Variants in RIN2 observed in about 807,000 individuals in gnomAD.
RIN2 encodes RAB5 interacting protein 2.
Under a neutral mutation model 78.0 loss-of-function variants are expected in RIN2, and 36 were observed. The observed-to-expected ratio is 0.46, with a 90% CI of 0.35 to 0.61. The LOEUF (loss-of-function observed/expected upper bound fraction) is 0.61. Ranked by LOEUF, RIN2 falls within the 20% of genes least tolerant of loss-of-function variation. The pLI is 0.00. For synonymous variants in RIN2, 466 were observed against 466.8 expected, an observed-to-expected ratio of 1.00 and a Z score of 0.02; for missense variants, 1,087 against 1,159.7, an observed-to-expected ratio of 0.94 and a Z score of 0.91.
chr20:19,875,543 G>C (rs2025046), intron 2 of RIN2, among the ~76,000 whole-genome samples: 5,546 of 152,228 alleles, frequency 0.036, 129 homozygotes, highest in East Asian at 0.076. Context: ...TCTGAGGCGG[G>C]AGGATGGCTT....
intron 2 of RIN2, among the ~76,000 whole-genome samples, chr20:19,847,863 C>A (rs2036836630): frequency 6.6e-6 from 1 of 152,126 alleles, no homozygotes; most frequent in Non-Finnish European, 1.5e-5. Flanking sequence ...CAGGGAGGGG[C>A]CCATAAACTT....
At chr20:19,763,785 T>C (rs1023921379) in intron 1 of RIN2, among the ~76,000 whole-genome samples, 3 of 152,170 alleles carry the variant, frequency 2.0e-5, no homozygotes, top group African/African-American at 7.2e-5. Flanking sequence ...CTGATTCAGT[T>C]TGATGTAGGA....
intron 9 of RIN2, among the ~76,000 whole-genome samples, chr20:19,986,855 C>T (rs1034753106): frequency 8.5e-5 from 13 of 152,194 alleles, no homozygotes; most frequent in African/African-American, 2.2e-4. Context: ...CTTAAGTACT[C>T]GGCTCAACAG....
chr20:19,910,125 T>C (rs983731485), intron 3 of RIN2, among the ~76,000 whole-genome samples: 1 of 152,216 alleles, frequency 6.6e-6, no homozygotes, highest in Non-Finnish European at 1.5e-5. Context: ...CCTTGCAACC[T>C]GGTTTTTAAT....
At chr20:19,900,945 C>CA (rs869239642) in intron 3 of RIN2, among the ~76,000 whole-genome samples, 2,148 of 29,472 alleles carry the variant, frequency 0.073, 373 homozygotes, top group Non-Finnish European at 0.14. Flanking sequence ...AGCTCTGTCT[C>CA]AAAAAAAAAA....
chr20:19,875,181 C>T (rs980772577), intron 2 of RIN2, among the ~76,000 whole-genome samples: 3 of 149,658 alleles, frequency 2.0e-5, no homozygotes, highest in East Asian at 2.0e-4. Flanking sequence ...TTTTTTTAAA[C>T]GGAGGCTTAC....
rs112898455 is a variant in RIN2 at position 19,760,447 on chromosome 20, G to A, written c.-163+2120G>A. ...AGGTGGGAGGGAGCTTGACTCCCAG[G>A]ATGGCTATGGCGTGTGCTTATTTAA... On this transcript the variant is annotated intron_variant, in intron 1 of 12. Coordinates refer to ENST00000255006, the MANE Select transcript of RIN2 (RefSeq NM_018993.4). 3.0e-3 allele frequency among the ~76,000 whole-genome samples: 454 copies of A among 151,956 alleles called. 6 individuals are homozygous for A. Among genetic ancestry groups the A allele is most frequent in the African/African-American group, 0.01 (429 of 41,412 alleles).
At chr20:19,871,449 C>G (rs2037685752) in intron 2 of RIN2, among the ~76,000 whole-genome samples, 1 of 152,118 alleles carries the variant, frequency 6.6e-6, no homozygotes, top group South Asian at 2.1e-4. Flanking sequence ...TATCGTGCAC[C>G]TCAGAGATGT....
chr20:19,823,767 T>A, intron 2 of RIN2: 1 of 1,596,742 alleles, frequency 6.3e-7, no homozygotes, highest in South Asian at 1.1e-5. Flanking sequence ...TTAGTTTCAC[T>A]GTAATCCTCA....
intron 2 of RIN2, among the ~76,000 whole-genome samples, chr20:19,820,373 G>C (rs1028043065): frequency 4.6e-5 from 7 of 152,150 alleles, no homozygotes; most frequent in African/African-American, 1.7e-4. Context: ...ACATTGTAAC[G>C]TATCACCAAA....
chr20:19,880,454 G>GT (rs1423794043), intron 2 of RIN2, among the ~76,000 whole-genome samples: 1 of 127,978 alleles, frequency 7.8e-6, no homozygotes, highest in East Asian at 2.6e-4. Flanking sequence ...CCAAGCAGGA[G>GT]TGCAGTTGCA....
intron 2 of RIN2, among the ~76,000 whole-genome samples, chr20:19,881,583 T>C (rs1283953577): frequency 6.6e-6 from 1 of 152,182 alleles, no homozygotes; most frequent in East Asian, 1.9e-4. Context: ...TATTTATTTA[T>C]TTTTTAAAAG....
intron 1 of RIN2, among the ~76,000 whole-genome samples, chr20:19,792,449 G>A (rs1349941919): frequency 6.6e-6 from 1 of 152,172 alleles, no homozygotes; most frequent in African/African-American, 2.4e-5. Context: ...GAAACAAAAT[G>A]TCAAAGCAGT....
rs182428842 is a variant in RIN2, at chr20:19,981,385, G to A, written c.1762+5598G>A. ...GCCATGTATGCCAGGTTTCTGCCCTGTAAAATTAAAGATTCCCTTCTTTCC... is the reference window on the plus strand; with the variant it reads ...GCCATGTATGCCAGGTTTCTGCCCTATAAAATTAAAGATTCCCTTCTTTCC... On this transcript the variant is annotated intron_variant, in intron 9 of 12. Transcript: ENST00000255006. Among the ~76,000 whole-genome samples, 24 of 152,280 alleles carry A rather than the reference G, an allele frequency of 1.6e-4. No homozygotes were observed. The East Asian group carries it at 3.9e-3, about 24-fold the overall frequency.
chr20:19,886,790 T>C lies in RIN2; in HGVS notation c.-36-2776T>C, dbSNP rs755994724. 55 of 1,499,022 alleles carry C rather than the reference T, an allele frequency of 3.7e-5. 1 individual carries two copies. In the South Asian group the frequency reaches 3.8e-4, roughly 10 times the overall value. The allele number at this position is 1,499,022 out of a possible 1,614,324, so 92.9% of individuals were successfully genotyped here. ...AGCCTCTCAAACTACGGTACCCTTT[T>C]TGTTTCTTAGTCTAGCCTGTTACTG... On this transcript the variant is annotated intron_variant, in intron 2 of 12. Coordinates refer to ENST00000255006, the MANE Select transcript of RIN2 (RefSeq NM_018993.4).
chr20:19,845,042 G>A (rs1469147592), intron 2 of RIN2, among the ~76,000 whole-genome samples: 1 of 152,044 alleles, frequency 6.6e-6, no homozygotes, highest in African/African-American at 2.4e-5. Context: ...CTTCATCCAT[G>A]TCCCTGCAAA....
intron 2 of RIN2, among the ~76,000 whole-genome samples, chr20:19,803,911 A>T (rs1381247524): frequency 6.6e-6 from 1 of 152,102 alleles, no homozygotes; most frequent in Non-Finnish European, 1.5e-5. Flanking sequence ...GAGGCCCTTC[A>T]CTTCTCTTGT....
intron 12 of RIN2, 106 bp downstream of exon 12, chr20:19,996,948 C>A: frequency 8.3e-7 from 1 of 1,201,860 alleles, no homozygotes; most frequent in Non-Finnish European, 1.1e-6. Flanking sequence ...AATTATTTGG[C>A]AGGAAAGGGA....
chr20:19,964,010 C>A (rs956122679), intron 6 of RIN2, among the ~76,000 whole-genome samples: 19 of 151,924 alleles, frequency 1.3e-4, no homozygotes, highest in African/African-American at 4.6e-4. Context: ...ATTACAGGTG[C>A]ATGTCACCAC....
Sources: allele counts gnomAD v4.1 joint callset (sites outside exome capture counted in the v4.1 genomes callset), GRCh38; gene constraint gnomAD v4.1.1; transcripts MANE v1.5; gene names NCBI Gene and HGNC (gene_info 2026-07-23, HGNC 2026-07-21).